CNTNAP2: variants seen among roughly 807,000 people sequenced by gnomAD.
The protein encoded by CNTNAP2 is contactin-associated protein-like 2.
CNTNAP2 carries 98 observed loss-of-function variants against 155.2 expected under a neutral mutation model. That is an observed-to-expected ratio of 0.63 (90% CI 0.54 to 0.75). The LOEUF (loss-of-function observed/expected upper bound fraction) is 0.75, where lower values mean the gene tolerates loss of function less well. Among genes scored for constraint, CNTNAP2 ranks in the 30% least tolerant of loss-of-function variants. The pLI is 0.00. For synonymous variants in CNTNAP2, 651 were observed against 631.2 expected (o/e 1.03, Z -0.47); for missense variants, 1,727 against 1,688.1 (o/e 1.02, Z -0.40).
intron 3 of CNTNAP2, among the ~76,000 whole-genome samples, chr7:146,884,946 C>G (rs980026524): frequency 1.3e-5 from 2 of 152,078 alleles, no homozygotes; most frequent in Admixed American, 1.3e-4. Context: ...AAAGGTAAGT[C>G]TCTACAAGCC....
chr7:147,943,104 A>T (rs1354950592), intron 14 of CNTNAP2, among the ~76,000 whole-genome samples: 3 of 152,058 alleles, frequency 2.0e-5, no homozygotes, highest in Non-Finnish European at 2.9e-5. Flanking sequence ...GAATTTTGTC[A>T]TATTTATCAA....
At chr7:148,369,021 T>C (rs967633306) in intron 21 of CNTNAP2, among the ~76,000 whole-genome samples, 7 of 152,070 alleles carry the variant, frequency 4.6e-5, no homozygotes, top group African/African-American at 1.7e-4. Flanking sequence ...TATAGAACAA[T>C]ATAAAACAAT....
intron 15 of CNTNAP2, among the ~76,000 whole-genome samples, chr7:148,095,660 C>T (rs1803949650): frequency 6.6e-6 from 1 of 152,168 alleles, no homozygotes; most frequent in Non-Finnish European, 1.5e-5. Flanking sequence ...TTGTGAGCCA[C>T]TGATGACTAC....
At chr7:148,097,167 T>C (rs993246257) in intron 15 of CNTNAP2, among the ~76,000 whole-genome samples, 1 of 151,830 alleles carries the variant, frequency 6.6e-6, no homozygotes, top group Non-Finnish European at 1.5e-5. Context: ...CAGTTGCACA[T>C]TTTCAGACAA....
intron 13 of CNTNAP2, among the ~76,000 whole-genome samples, chr7:147,748,008 C>A (rs59338704): frequency 7.2e-5 from 11 of 152,198 alleles, no homozygotes; most frequent in African/African-American, 2.7e-4. Context: ...AGTCAATCAC[C>A]CGCCTAGCAT....
At chr7:147,066,218 A>G (rs2129264023) in intron 4 of CNTNAP2, among the ~76,000 whole-genome samples, 1 of 152,320 alleles carries the variant, frequency 6.6e-6, no homozygotes, top group Admixed American at 6.5e-5. Flanking sequence ...TGAATTGAAG[A>G]TGCTGGTAGA....
At chr7:147,333,196 A>AAG (rs1795603626) in intron 9 of CNTNAP2, among the ~76,000 whole-genome samples, 1 of 152,192 alleles carries the variant, frequency 6.6e-6, no homozygotes, top group African/African-American at 2.4e-5. Flanking sequence ...TGACTGCCAC[A>AAG]TAAAGTTCCT....
chr7:146,364,050 G>A (rs989126002), intron 1 of CNTNAP2, among the ~76,000 whole-genome samples: 6 of 152,082 alleles, frequency 3.9e-5, no homozygotes, highest in African/African-American at 1.2e-4. Flanking sequence ...GGAAAAGGGC[G>A]AATCATGAGT....
At chr7:148,057,079 A>C (rs760592535) in intron 15 of CNTNAP2, among the ~76,000 whole-genome samples, 1 of 152,148 alleles carries the variant, frequency 6.6e-6, no homozygotes, top group Non-Finnish European at 1.5e-5. Flanking sequence ...CTCTTATTGC[A>C]GTGAGGCTTG....
At chr7:147,890,933 G>C (rs1201095942) in intron 13 of CNTNAP2, among the ~76,000 whole-genome samples, 5 of 152,118 alleles carry the variant, frequency 3.3e-5, no homozygotes, top group Non-Finnish European at 7.3e-5. Context: ...ATATTGCTGA[G>C]AGTACACAAA....
At chr7:146,743,145 A>C (rs1801748656) in intron 1 of CNTNAP2, among the ~76,000 whole-genome samples, 1 of 152,170 alleles carries the variant, frequency 6.6e-6, no homozygotes, top group Non-Finnish European at 1.5e-5. Context: ...TCAGTATGCT[A>C]TCCACTCTGA....
At chr7:146,202,543 G>T (rs1255922606) in intron 1 of CNTNAP2, among the ~76,000 whole-genome samples, 1 of 151,844 alleles carries the variant, frequency 6.6e-6, no homozygotes, top group Non-Finnish European at 1.5e-5. Flanking sequence ...AAACTATATA[G>T]AAACCTATGC....
At chr7:147,522,784 A>AAACAAAAG in intron 11 of CNTNAP2, among the ~76,000 whole-genome samples, 1 of 150,848 alleles carries the variant, frequency 6.6e-6, no homozygotes, top group South Asian at 2.1e-4. Flanking sequence ...AAAAACAAAA[A>AAACAAAAG]AACAAAAAAA....
At chr7:147,721,570 C>T (rs1796567614) in intron 13 of CNTNAP2, among the ~76,000 whole-genome samples, 1 of 152,048 alleles carries the variant, frequency 6.6e-6, no homozygotes, top group Non-Finnish European at 1.5e-5. Context: ...AGGAGCATTA[C>T]TCTTTTTCAT....
intron 4 of CNTNAP2, among the ~76,000 whole-genome samples, chr7:147,067,653 G>A (rs943644929): frequency 1.3e-5 from 2 of 152,240 alleles, no homozygotes; most frequent in South Asian, 2.1e-4. Flanking sequence ...AATCTGACAG[G>A]TACTATTTCA....
chr7:147,467,116 T>G (rs1798133939), intron 10 of CNTNAP2, among the ~76,000 whole-genome samples: 1 of 152,192 alleles, frequency 6.6e-6, no homozygotes, highest in Non-Finnish European at 1.5e-5. Flanking sequence ...TGTTCTTCAT[T>G]AGTGAATATT....
At chr7:148,414,226 G>A (rs907420834) in intron 23 of CNTNAP2, among the ~76,000 whole-genome samples, 4 of 151,664 alleles carry the variant, frequency 2.6e-5, no homozygotes, top group Non-Finnish European at 4.4e-5. Flanking sequence ...ACAGGAGCGT[G>A]CCACCATGCC....
intron 9 of CNTNAP2, among the ~76,000 whole-genome samples, chr7:147,325,024 C>T (rs1306538681): frequency 1.3e-5 from 2 of 152,162 alleles, no homozygotes; most frequent in East Asian, 3.9e-4. Context: ...AATGTATAGG[C>T]CTGGCACAGT....
At chr7:146,575,520 C>T (rs1798511121) in intron 1 of CNTNAP2, among the ~76,000 whole-genome samples, 1 of 152,004 alleles carries the variant, frequency 6.6e-6, no homozygotes, top group South Asian at 2.1e-4. Context: ...TAGGGCTGAT[C>T]CAATCATTAC....
Sources: gnomAD v4.1 joint callset for allele counts (sites outside exome capture counted in the v4.1 genomes callset) on GRCh38, gnomAD v4.1.1 for gene constraint, MANE v1.5 for transcripts, NCBI Gene and HGNC (gene_info 2026-07-23, HGNC 2026-07-21) for gene names.